TRAPPC9: variants seen among roughly 807,000 people sequenced by gnomAD.
The protein encoded by TRAPPC9 is IKK2 binding protein.
A neutral mutation model predicts 124.0 loss-of-function variants in TRAPPC9; 83 were observed. That is an observed-to-expected ratio of 0.67 (90% CI 0.56 to 0.80). TRAPPC9 has a LOEUF of 0.80. Ranked by LOEUF, TRAPPC9 falls within the 30% of genes least tolerant of loss-of-function variation. The pLI, the probability that TRAPPC9 is intolerant of heterozygous loss-of-function variation, is 0.00. For missense variants in TRAPPC9, 1,302 were observed against 1,508.3 expected (o/e 0.86, Z 2.27); for synonymous variants, 638 against 617.5 (o/e 1.03, Z -0.49).
At chr8:139,745,032 GAGA>G (rs1209056365) in intron 21 of TRAPPC9, among the ~76,000 whole-genome samples, 2 of 152,294 alleles carry the variant, frequency 1.3e-5, no homozygotes, top group South Asian at 2.1e-4. Context: ...CTCCGGAGAG[GAGA>G]AGGACTTCCC....
At chr8:139,736,459 C>G (rs1176709547) in intron 21 of TRAPPC9, among the ~76,000 whole-genome samples, 2 of 152,228 alleles carry the variant, frequency 1.3e-5, no homozygotes, top group Non-Finnish European at 2.9e-5. Context: ...CCCTACAGCT[C>G]CGGCAGCTCA....
intron 21 of TRAPPC9, among the ~76,000 whole-genome samples, chr8:139,774,620 C>G (rs916712489): frequency 6.6e-6 from 1 of 152,184 alleles, no homozygotes; most frequent in African/African-American, 2.4e-5. Flanking sequence ...GTTTCCTCGG[C>G]CTCCCCAGGA....
At chr8:139,839,351 T>A (rs1347169560) in intron 21 of TRAPPC9, among the ~76,000 whole-genome samples, 1 of 152,118 alleles carries the variant, frequency 6.6e-6, no homozygotes, top group Non-Finnish European at 1.5e-5. Flanking sequence ...CAGAACGGGA[T>A]CCAGGTGGAG....
rs943248523 is a variant in TRAPPC9, at chr8:139,731,344, C to T, written c.3280-116G>A. 5.6e-6 allele frequency: 7 copies of T among 1,256,042 alleles called. No homozygotes were observed. In the African/African-American group the frequency reaches 8.9e-5, roughly 16 times the overall value. 77.8% of individuals were successfully genotyped at this position (1,256,042 alleles called of 1,614,324 possible). Reference sequence around the variant, plus strand: ...GTGTTATGGGGGAAGCGAGGGCCGCCCAGGCCTGGCTCCAGTGCCCCCTCC... The same window carrying T: ...GTGTTATGGGGGAAGCGAGGGCCGCTCAGGCCTGGCTCCAGTGCCCCCTCC... On this transcript the variant is annotated intron_variant, in intron 22 of 22. Coordinates refer to ENST00000438773, the MANE Select transcript of TRAPPC9 (RefSeq NM_001160372.4).
In TRAPPC9 at chr8:140,275,734, T is replaced by C. The variant is rs1221966229; in HGVS notation, c.2202A>G (p.Leu734=). 6.3e-5 allele frequency: 101 copies of C among 1,613,972 alleles called. No homozygotes were observed. The highest frequency in any genetic ancestry group is 8.6e-5 in the Non-Finnish European group (101 of 1,179,814). The change falls in exon 15 of 23, where the codon CTA becomes CTG. Residue 734 remains leucine, a synonymous_variant. Transcript: ENST00000438773. The part of the protein sequence containing the change: ...VQLYNGESQQ[L]IIKLENIGME... ...TTCCAATATTTTCCAATTTAATGAT[T>C]AGTTGCTGACTTTCTCCATTGTAAA...
chr8:139,771,416 G>A (rs1021329118), intron 21 of TRAPPC9, among the ~76,000 whole-genome samples: 4 of 152,170 alleles, frequency 2.6e-5, no homozygotes, highest in Admixed American at 2.6e-4. Context: ...GTGTATGCCA[G>A]TTGAAGCCAG....
At chr8:139,839,259 C>A (rs1363188337) in intron 21 of TRAPPC9, among the ~76,000 whole-genome samples, 1 of 152,236 alleles carries the variant, frequency 6.6e-6, no homozygotes, top group Non-Finnish European at 1.5e-5. Context: ...CAGGGACATT[C>A]TCAGGGGATG....
At chr8:139,806,991 G>GA (rs1824114760) in intron 21 of TRAPPC9, among the ~76,000 whole-genome samples, 1 of 152,048 alleles carries the variant, frequency 6.6e-6, no homozygotes, top group Non-Finnish European at 1.5e-5. Context: ...AGCGGCCTCC[G>GA]GAGAGCCACC....
At chr8:140,237,127 G>A in intron 16 of TRAPPC9, among the ~76,000 whole-genome samples, 1 of 152,062 alleles carries the variant, frequency 6.6e-6, no homozygotes, top group East Asian at 1.9e-4. Flanking sequence ...GTTGCAGTGA[G>A]CCGAGATCAT....
chr8:140,343,167 T>C (rs940790746), intron 9 of TRAPPC9, among the ~76,000 whole-genome samples: 74 of 152,158 alleles, frequency 4.9e-4, no homozygotes, highest in African/African-American at 1.7e-3. Context: ...CACATCACAA[T>C]TGAAAACTCC....
chr8:139,762,491 T>C (rs1563795088), intron 21 of TRAPPC9, among the ~76,000 whole-genome samples: 2 of 152,148 alleles, frequency 1.3e-5, no homozygotes, highest in Non-Finnish European at 2.9e-5. Context: ...CCATTGCTTC[T>C]AGGCTATAAA....
chr8:140,272,132 A>ATGATGGCAATGATGATGGTGATGG (rs1250595231), intron 15 of TRAPPC9, among the ~76,000 whole-genome samples: 16 of 138,758 alleles, frequency 1.2e-4, no homozygotes, highest in African/African-American at 4.2e-4. Flanking sequence ...GATGGTGGCG[A>ATGATGGCAATGATGATGGTGATGG]TGGTGATGGT....
chr8:140,035,767 A>C (rs1563709116), intron 17 of TRAPPC9, among the ~76,000 whole-genome samples: 1 of 152,150 alleles, frequency 6.6e-6, no homozygotes, highest in Non-Finnish European at 1.5e-5. Context: ...CTGTGACTTC[A>C]CCGGGAATCG....
Position 139,874,079 on chromosome 8 carries a change from C to G in TRAPPC9, c.3055+11800G>C, listed in dbSNP as rs144351486. On this transcript the variant is annotated intron_variant, in intron 21 of 22. Coordinates refer to ENST00000438773, the MANE Select transcript of TRAPPC9 (RefSeq NM_001160372.4). Reference sequence around the variant, plus strand: ...CTGGCCACAGGCACGCACGCTGCACCAGTAAGGCTGCTCTGGGAATGGATC... The same window carrying G: ...CTGGCCACAGGCACGCACGCTGCACGAGTAAGGCTGCTCTGGGAATGGATC... Among the ~76,000 whole-genome samples the G allele has an allele frequency of 2.7e-3, 411 of 152,362 alleles. 5 individuals carry two copies. Among genetic ancestry groups the G allele is most frequent in the East Asian group, 0.022 (116 of 5,182 alleles).
chr8:140,352,439 G>A (rs1167458997), intron 9 of TRAPPC9, among the ~76,000 whole-genome samples: 1 of 152,166 alleles, frequency 6.6e-6, no homozygotes, highest in Non-Finnish European at 1.5e-5. Context: ...ATTCGTGTTG[G>A]ATACCATGAG....
At chr8:139,938,379 G>A (rs1447628840) in intron 19 of TRAPPC9, among the ~76,000 whole-genome samples, 5 of 152,138 alleles carry the variant, frequency 3.3e-5, no homozygotes, top group Middle Eastern at 3.4e-3. Context: ...CCGCCTCCCG[G>A]GTTCACGCCA....
intron 21 of TRAPPC9, among the ~76,000 whole-genome samples, chr8:139,831,509 C>A (rs1442228472): frequency 6.6e-6 from 1 of 152,176 alleles, no homozygotes; most frequent in Non-Finnish European, 1.5e-5. Context: ...ACACACAAAT[C>A]ACCTCAATTT....
chr8:139,967,735 T>C (rs927031686), intron 19 of TRAPPC9, among the ~76,000 whole-genome samples: 2 of 152,234 alleles, frequency 1.3e-5, no homozygotes, highest in African/African-American at 4.8e-5. Flanking sequence ...CTGTATGTTG[T>C]ATTACCCCAG....
At chr8:139,955,996 G>A (rs747404053) in intron 19 of TRAPPC9, among the ~76,000 whole-genome samples, 14 of 152,018 alleles carry the variant, frequency 9.2e-5, no homozygotes, top group African/African-American at 1.7e-4. Flanking sequence ...CGTTTCTCCC[G>A]CCGTGTGGCT....
Sources: allele counts gnomAD v4.1 joint callset (sites outside exome capture counted in the v4.1 genomes callset), GRCh38; gene constraint gnomAD v4.1.1; transcripts MANE v1.5; gene names NCBI Gene and HGNC (gene_info 2026-07-23, HGNC 2026-07-21).